LIN9: variants seen among roughly 807,000 people sequenced by gnomAD.
LIN9 encodes protein lin-9 homolog.
Under a neutral mutation model 78.0 loss-of-function variants are expected in LIN9, and 18 were observed. That is an observed-to-expected ratio of 0.23 (90% CI 0.16 to 0.34). The LOEUF (loss-of-function observed/expected upper bound fraction) is 0.34. Ranked by LOEUF, LIN9 falls within the 10% of genes least tolerant of loss-of-function variation. LIN9 has a pLI of 1.00. For missense variants in LIN9, 451 were observed against 644.1 expected (o/e 0.70, Z 3.25); for synonymous variants, 192 against 215.2 (o/e 0.89, Z 0.94).
rs113359507 is a variant in LIN9 at position 226,252,892 on chromosome 1, G to C, written c.1039-1973C>G. Among the ~76,000 whole-genome samples the C allele has an allele frequency of 3.9e-5, 6 of 151,998 alleles. 1 individual carries two copies. The highest frequency in any genetic ancestry group is 1.4e-4 in the African/African-American group (6 of 41,446). On this transcript the variant is annotated intron_variant, in intron 10 of 14. Coordinates refer to ENST00000681046, the MANE Select transcript of LIN9 (RefSeq NM_001366245.2). ...TGAGGCAGGAGAATCGCTTGAACCC[G>C]GGAGGCAGAGGCTGCAGTGAGCAAA...
rs567996608 is a variant in LIN9, at chr1:226,239,944, G to A, written c.1120-848C>T. On this transcript the variant is annotated intron_variant, in intron 11 of 14. Transcript: ENST00000681046. ...TTTCAGAGGATTTCTGAGAAAGCAC[G>A]TTGTTATGCACTAAGGAAGCAAAAT... Among the ~76,000 whole-genome samples the A allele has an allele frequency of 9.2e-5, 14 of 152,264 alleles. No individual in the cohort carries two copies. The South Asian group carries it at 2.3e-3, about 25-fold the overall frequency.
intron 4 of LIN9, among the ~76,000 whole-genome samples, chr1:226,289,839 G>GA (rs1449555164): frequency 7.6e-5 from 4 of 52,662 alleles, no homozygotes; most frequent in Admixed American, 7.4e-4. Flanking sequence ...TCCTCCGGGG[G>GA]GGGGGGTGGG....
Position 226,232,248 on chromosome 1 carries a change from A to G in LIN9, c.*253T>C, listed in dbSNP as rs568628182. 17 of 403,320 alleles carry G rather than the reference A, an allele frequency of 4.2e-5. No homozygotes were observed. The highest frequency in any genetic ancestry group is 3.1e-4 in the African/African-American group (15 of 48,812). The allele number at this position is 403,320 out of a possible 1,614,324, so 25.0% of individuals were successfully genotyped here. On this transcript the variant is annotated 3_prime_UTR_variant, in exon 15 of 15. Coordinates refer to ENST00000681046, the MANE Select transcript of LIN9 (RefSeq NM_001366245.2). ...ATATTATGTTCAGATATTTCAGTTTAAAAATATTTGTGAATATAAACATAT... is the reference window on the plus strand; with the variant it reads ...ATATTATGTTCAGATATTTCAGTTTGAAAATATTTGTGAATATAAACATAT...
chr1:226,275,082 A>T (rs1660552876), intron 7 of LIN9, among the ~76,000 whole-genome samples: 3 of 152,026 alleles, frequency 2.0e-5, no homozygotes, highest in Non-Finnish European at 4.4e-5. Flanking sequence ...TTTTTCTTGT[A>T]GACAAAAAAA....
chr1:226,239,525 G>A (rs1324397932), intron 11 of LIN9, among the ~76,000 whole-genome samples: 1 of 152,106 alleles, frequency 6.6e-6, no homozygotes, highest in African/African-American at 2.4e-5. Flanking sequence ...TAAGAGCGTG[G>A]GTATTAGAAT....
At chr1:226,260,105 T>C (rs1163203761) in intron 10 of LIN9, among the ~76,000 whole-genome samples, 1 of 152,130 alleles carries the variant, frequency 6.6e-6, no homozygotes, top group Non-Finnish European at 1.5e-5. Context: ...TTTAAAAAGA[T>C]AAACTCCTTG....
Position 226,232,056 on chromosome 1 carries a change from C to T in LIN9, c.*445G>A. 1 of 398,480 alleles carries T rather than the reference C, an allele frequency of 2.5e-6. No individual in the cohort carries two copies. 24.7% of individuals were successfully genotyped at this position (398,480 alleles called of 1,614,324 possible). On this transcript the variant is annotated 3_prime_UTR_variant, in exon 15 of 15. Transcript: ENST00000681046. ...TTTTGAAGACTGAGATGGTGATCAA[C>T]TAAATCAAGTGGAGTTGTAATTTTC...
At chr1:226,236,799 C>T (rs937186575) in intron 12 of LIN9, among the ~76,000 whole-genome samples, 1 of 152,148 alleles carries the variant, frequency 6.6e-6, no homozygotes, top group Non-Finnish European at 1.5e-5. Flanking sequence ...TGAGATCCAT[C>T]TATGGCACTG....
At chr1:226,240,223 C>A (rs752094714) in intron 11 of LIN9, among the ~76,000 whole-genome samples, 1 of 152,172 alleles carries the variant, frequency 6.6e-6, no homozygotes, top group Non-Finnish European at 1.5e-5. Flanking sequence ...AGCTGACTAA[C>A]GTGCCATGCA....
chr1:226,234,546 C>T (rs1399913834), intron 12 of LIN9, among the ~76,000 whole-genome samples: 1 of 152,168 alleles, frequency 6.6e-6, no homozygotes, highest in African/African-American at 2.4e-5. Context: ...TTTGGGGGCA[C>T]ATTTTACTTC....
upstream of LIN9, chr1:226,309,695 G>A (rs1442978360): frequency 7.8e-6 from 10 of 1,286,366 alleles, no homozygotes; most frequent in African/African-American, 3.0e-5. Flanking sequence ...GGCCGCAGCA[G>A]CCCCCTGCGC....
At chr1:226,309,035 T>G in intron 1 of LIN9, 74 bp downstream of exon 1, 1 of 1,279,530 alleles carries the variant, frequency 7.8e-7, no homozygotes, top group South Asian at 3.2e-5. Context: ...GGCACGGCCG[T>G]CCGTCCCGGC....
In LIN9 at chr1:226,232,452, A is replaced by C; in HGVS notation, c.*49T>G. ...GTTGGAAGCCTATATAAAGGAAAAGAACTTCTCAAAAACAATGTCCCGTGC... is the reference window on the plus strand; with the variant it reads ...GTTGGAAGCCTATATAAAGGAAAAGCACTTCTCAAAAACAATGTCCCGTGC... On this transcript the variant is annotated 3_prime_UTR_variant, in exon 15 of 15. Coordinates refer to ENST00000681046, the MANE Select transcript of LIN9 (RefSeq NM_001366245.2). 1 of 1,254,914 alleles carries C rather than the reference A, an allele frequency of 8.0e-7. No homozygotes were observed. The highest frequency in any genetic ancestry group is 1.3e-5 in the South Asian group (1 of 77,028). The allele number at this position is 1,254,914 out of a possible 1,614,324, so 77.7% of individuals were successfully genotyped here. A position where few individuals can be genotyped will look rare whatever the true frequency, so the allele number is the denominator to read the frequency against.
intron 4 of LIN9, among the ~76,000 whole-genome samples, chr1:226,289,173 T>G (rs1661566211): frequency 6.6e-6 from 1 of 151,760 alleles, no homozygotes; most frequent in African/African-American, 2.4e-5. Context: ...AGGCGGAGGT[T>G]GCAGTGAGCA....
chr1:226,309,671 T>C (rs1480132653), upstream of LIN9: 3 of 1,283,540 alleles, frequency 2.3e-6, no homozygotes, highest in South Asian at 1.2e-5. Context: ...CCCCTCACTT[T>C]TCCCGAGACC....
intron 4 of LIN9, among the ~76,000 whole-genome samples, chr1:226,294,817 TGAGA>T (rs1662033569): frequency 6.7e-6 from 1 of 149,992 alleles, no homozygotes. Flanking sequence ...TTTTTTTTTT[TGAGA>T]CAGAGTCTTG....
At chr1:226,236,750 C>G (rs1339255277) in intron 12 of LIN9, among the ~76,000 whole-genome samples, 1 of 152,212 alleles carries the variant, frequency 6.6e-6, no homozygotes, top group Non-Finnish European at 1.5e-5. Context: ...AGCCACCGCA[C>G]CCGGCGTGTC....
intron 2 of LIN9, among the ~76,000 whole-genome samples, chr1:226,299,447 G>A (rs1467048409): frequency 6.9e-6 from 1 of 145,156 alleles, no homozygotes; most frequent in Admixed American, 7.0e-5. Flanking sequence ...AGGTTGCAGT[G>A]AGCCAAGATA....
rs146441741 is a variant in LIN9 at position 226,276,666 on chromosome 1, G to A, written c.682+1109C>T. Among the ~76,000 whole-genome samples the A allele has an allele frequency of 1.2e-4, 18 of 152,036 alleles. No homozygotes were observed. In the South Asian group the frequency reaches 2.3e-3, roughly 19 times the overall value. ...TCCCTTCCCTCCAAAAACTATTCTC[G>A]AATTACTCCAACCATTTTTCAATGG... On this transcript the variant is annotated intron_variant, in intron 7 of 14. Coordinates refer to ENST00000681046, the MANE Select transcript of LIN9 (RefSeq NM_001366245.2).
Sources: gnomAD v4.1 joint callset for allele counts (sites outside exome capture counted in the v4.1 genomes callset) on GRCh38, gnomAD v4.1.1 for gene constraint, MANE v1.5 for transcripts, NCBI Gene and HGNC (gene_info 2026-07-23, HGNC 2026-07-21) for gene names.